The following OSBPL6 variants were observed in gnomAD, a reference collection of about 807,000 sequenced individuals.
OSBPL6 encodes oxysterol binding protein like 6.
In OSBPL6, 49 loss-of-function variants were observed where a neutral mutation model predicts 125.8. The ratio of observed to expected loss-of-function variants is 0.39; its 90% CI spans 0.31 to 0.49. The LOEUF is 0.49. OSBPL6 is among the 20% of genes least tolerant of loss of function. The probability of loss-of-function intolerance (pLI) is 0.88; values close to 1 mark genes in which losing one functional copy is unlikely to be tolerated. For synonymous variants in OSBPL6, 394 were observed against 391.8 expected, an observed-to-expected ratio of 1.01 and a Z score of -0.07; for missense variants, 986 against 1,135.4, an observed-to-expected ratio of 0.87 and a Z score of 1.89.
chr2:178,278,461 A>T (rs185771435), intron 1 of OSBPL6, among the ~76,000 whole-genome samples: 1 of 152,216 alleles, frequency 6.6e-6, no homozygotes, highest in Non-Finnish European at 1.5e-5. Flanking sequence ...TAATCAATCA[A>T]TACTTAGTGG....
At position 178,313,844 on chromosome 2, in the gene OSBPL6, G is replaced by T. The variant is rs1447142922; in HGVS notation, c.102+7558G>T. Among the ~76,000 whole-genome samples, 3 of 152,178 alleles carry T rather than the reference G, an allele frequency of 2.0e-5. No individual in the cohort carries two copies. The South Asian group carries it at 6.2e-4, about 32-fold the overall frequency. On this transcript the variant is annotated intron_variant, in intron 3 of 24. Coordinates refer to ENST00000190611, the MANE Select transcript of OSBPL6 (RefSeq NM_032523.4). ...CAGCAGTGACTCAGTGGGACCATGT[G>T]CTGGTGTAACCATGGGATAGTGGCA...
At position 178,392,459 on chromosome 2, in the gene OSBPL6, G is replaced by A. The variant is rs1400006011; in HGVS notation, c.2494G>A (p.Ala832Thr). The change falls in exon 23 of 25, where the codon GCT becomes ACT. Residue 832 changes from alanine to threonine, a missense_variant. Physicochemically the swap from Ala to Thr is moderately conservative, Grantham distance 58 (BLOSUM62 0). Transcript: ENST00000190611. ...YELYYGFTRF[A>T]IELNELDPVL... ...GCTGTACTATGGCTTCACAAGGTTT[G>A]CTATTGAGCTCAATGAGTTAGATCC... is the stretch of plus-strand genomic sequence containing the variant. 3 of 1,613,922 alleles carry A rather than the reference G, an allele frequency of 1.9e-6. No homozygotes were observed. Among genetic ancestry groups the A allele is most frequent in the Non-Finnish European group, 1.7e-6 (2 of 1,179,956 alleles).
intron 2 of OSBPL6, 63 bp from the exon 3 acceptor site, chr2:178,305,967 A>G: frequency 2.6e-6 from 1 of 386,660 alleles, no homozygotes. Flanking sequence ...ATTTCATCCT[A>G]AAGATAATGA....
Position 178,267,565 on chromosome 2 carries a change from G to T in OSBPL6, c.-350-17362G>T, listed in dbSNP as rs575320113. Among the ~76,000 whole-genome samples the T allele has an allele frequency of 2.6e-5, 4 of 152,068 alleles. No individual in the cohort carries two copies. In the South Asian group the frequency reaches 8.3e-4, roughly 32 times the overall value. The stretch of plus-strand genomic sequence containing the variant: ...TATAAGCTATATATTATTCTAGTAA[G>T]TGATTTTCAGGTTTCATCAGGGGCA... On this transcript the variant is annotated intron_variant, in intron 1 of 24. Transcript: ENST00000190611.
chr2:178,324,382 G>A, intron 4 of OSBPL6, 113 bp downstream of exon 4: 1 of 694,820 alleles, frequency 1.4e-6, no homozygotes, highest in Non-Finnish European at 2.4e-6. Context: ...GATGCCACTT[G>A]TAGGCAACTC....
chr2:178,235,106 T>C (rs1202194819), intron 1 of OSBPL6, among the ~76,000 whole-genome samples: 1 of 152,234 alleles, frequency 6.6e-6, no homozygotes, highest in Non-Finnish European at 1.5e-5. Flanking sequence ...GGTTATTTGT[T>C]AGGTATTACT....
At chr2:178,245,888 C>G (rs1019774318) in intron 1 of OSBPL6, among the ~76,000 whole-genome samples, 2 of 152,172 alleles carry the variant, frequency 1.3e-5, no homozygotes, top group Non-Finnish European at 2.9e-5. Context: ...CATAGTACAT[C>G]CTATAGGAAT....
chr2:178,344,323 G>A (rs369058669), intron 11 of OSBPL6: 6 of 1,614,106 alleles, frequency 3.7e-6, no homozygotes, highest in East Asian at 2.2e-5. Flanking sequence ...AGCACAACTC[G>A]GCGCCGGCAG....
At chr2:178,295,312 C>T (rs1685645430) in intron 2 of OSBPL6, among the ~76,000 whole-genome samples, 1 of 152,158 alleles carries the variant, frequency 6.6e-6, no homozygotes, top group Admixed American at 6.6e-5. Flanking sequence ...TCTAAGAATG[C>T]ATCTTGTTAT....
chr2:178,252,671 C>T (rs2091738817), intron 1 of OSBPL6, among the ~76,000 whole-genome samples: 1 of 152,094 alleles, frequency 6.6e-6, no homozygotes, highest in South Asian at 2.1e-4. Context: ...TTACTTGAGG[C>T]CACTAGGATA....
chr2:178,338,648 C>T (rs1392254249), intron 9 of OSBPL6, among the ~76,000 whole-genome samples: 2 of 152,176 alleles, frequency 1.3e-5, no homozygotes, highest in Non-Finnish European at 2.9e-5. Flanking sequence ...GGTAGACAAG[C>T]TCCTAACAAT....
At chr2:178,217,486 A>G (rs772056887) in intron 1 of OSBPL6, among the ~76,000 whole-genome samples, 7 of 152,302 alleles carry the variant, frequency 4.6e-5, no homozygotes, top group East Asian at 1.9e-4. Flanking sequence ...ACAGACACAC[A>G]CGAGTTTAGG....
At chr2:178,371,665 C>T (rs763424141) in intron 13 of OSBPL6, among the ~76,000 whole-genome samples, 5 of 152,218 alleles carry the variant, frequency 3.3e-5, no homozygotes, top group Admixed American at 1.3e-4. Flanking sequence ...TAAACTAAAG[C>T]CAGTTCATTC....
intron 13 of OSBPL6, 106 bp from the exon 14 acceptor site, chr2:178,372,020 C>A: frequency 1.3e-6 from 1 of 785,038 alleles, no homozygotes; most frequent in Non-Finnish European, 2.0e-6. Flanking sequence ...AAAGTTAGAG[C>A]TAAGAACATC....
intron 2 of OSBPL6, among the ~76,000 whole-genome samples, chr2:178,290,662 G>A (rs1331085279): frequency 1.3e-5 from 2 of 152,010 alleles, no homozygotes; most frequent in African/African-American, 2.4e-5. Flanking sequence ...GATACAACAG[G>A]TTGCCCCAAA....
chr2:178,239,769 G>A (rs2091214130), intron 1 of OSBPL6, among the ~76,000 whole-genome samples: 1 of 151,562 alleles, frequency 6.6e-6, no homozygotes, highest in Non-Finnish European at 1.5e-5. Flanking sequence ...GGGACTACAG[G>A]TGCCTGCCCC....
chr2:178,227,104 A>G (rs2090596445), intron 1 of OSBPL6, among the ~76,000 whole-genome samples: 1 of 152,226 alleles, frequency 6.6e-6, no homozygotes. Context: ...ATAACTCAGG[A>G]TGAAAAGTGT....
At chr2:178,232,065 T>C (rs1442635554) in intron 1 of OSBPL6, among the ~76,000 whole-genome samples, 1 of 152,146 alleles carries the variant, frequency 6.6e-6, no homozygotes, top group African/African-American at 2.4e-5. Context: ...ATCCATAAAC[T>C]GGGTAAAACA....
intron 5 of OSBPL6, 92 bp downstream of exon 5, chr2:178,328,470 AGTATGTGT>A: frequency 1.3e-6 from 2 of 1,499,664 alleles, no homozygotes; most frequent in Non-Finnish European, 1.8e-6. Flanking sequence ...AGAATATGGC[AGTATGTGT>A]AAAACTAGCT....
Sources: gnomAD v4.1 joint callset for allele counts (sites outside exome capture counted in the v4.1 genomes callset) on GRCh38, gnomAD v4.1.1 for gene constraint, MANE v1.5 for transcripts, NCBI Gene and HGNC (gene_info 2026-07-23, HGNC 2026-07-21) for gene names.